The following MTMR3 variants were observed in gnomAD, a reference collection of about 807,000 sequenced individuals.
MTMR3 encodes the protein phosphatidylinositol-3,5-bisphosphate 3-phosphatase MTMR3.
A neutral mutation model predicts 132.4 loss-of-function variants in MTMR3; 32 were observed. That is an observed-to-expected ratio of 0.24 (90% CI 0.18 to 0.32). The LOEUF is 0.32. MTMR3 is among the 10% of genes least tolerant of loss of function. MTMR3 has a pLI of 1.00. For synonymous variants in MTMR3, 556 were observed against 550.3 expected (o/e 1.01, Z -0.14); for missense variants, 1,216 against 1,489.6 (o/e 0.82, Z 3.02).
Position 30,020,615 on chromosome 22 carries a change from T to G in MTMR3, c.2956T>G (p.Ser986Ala), listed in dbSNP as rs2067719829. 2 of 1,613,934 alleles carry G rather than the reference T, an allele frequency of 1.2e-6. No individual in the cohort carries two copies. Among genetic ancestry groups the G allele is most frequent in the Non-Finnish European group, 8.5e-7 (1 of 1,180,036 alleles). Residue 986 changes from serine to alanine, a missense_variant, in exon 17 of 20, where the codon TCA becomes GCA. Around this residue, in one of 7 missense-constraint regions of MTMR3, gnomAD observed 852 missense variants for 852.0 expected, o/e 1.00. Transcript: ENST00000401950. ...GAGCTGCAGCTCTGCCCACTTACAC[T>G]CAAGGAACTTGCACCACAAGTGGCT... ...AMSCSSAHLHSRNLHHKWLHS... is the reference protein window; with the variant it reads ...AMSCSSAHLHARNLHHKWLHS...
chr22:30,005,147 C>T (rs1288206993), intron 9 of MTMR3: 1 of 152,122 alleles, frequency 6.6e-6, no homozygotes, highest in East Asian at 1.9e-4. Flanking sequence ...AATTCTGTTC[C>T]TATATAAAAT....
intron 1 of MTMR3, among the ~76,000 whole-genome samples, chr22:29,904,271 G>T (rs2065054147): frequency 6.6e-6 from 1 of 152,124 alleles, no homozygotes; most frequent in Admixed American, 6.5e-5. Context: ...AAGTAGGCAC[G>T]GCAGGCTGTA....
chr22:29,909,086 G>A (rs963394323), intron 1 of MTMR3, among the ~76,000 whole-genome samples: 2 of 151,298 alleles, frequency 1.3e-5, no homozygotes, highest in Admixed American at 1.3e-4. Flanking sequence ...ACCTTCCCAG[G>A]CCCAAGCCAT....
In MTMR3 at chr22:30,027,040, T is replaced by C. The variant is rs1486140153; in HGVS notation, c.*1239T>C. ...GCCTTGAGGAGATTCAGGGCACCTT[T>C]CCTCAGTGAGCTTTGATATGGTCCA... is the stretch of plus-strand genomic sequence containing the variant. On this transcript the variant is annotated 3_prime_UTR_variant, in exon 20 of 20. Coordinates refer to ENST00000401950, the MANE Select transcript of MTMR3 (RefSeq NM_021090.4). 1 of 152,780 alleles carries C rather than the reference T, an allele frequency of 6.5e-6. No homozygotes were observed. The highest frequency in any genetic ancestry group is 1.9e-4 in the East Asian group (1 of 5,290). The allele number at this position is 152,780 out of a possible 1,614,324, so 9.5% of individuals were successfully genotyped here.
intron 1 of MTMR3, among the ~76,000 whole-genome samples, chr22:29,949,203 G>A (rs2066022690): frequency 1.6e-5 from 2 of 126,794 alleles, no homozygotes; most frequent in African/African-American, 3.0e-5. Context: ...GCGCGTGCAC[G>A]CGCGCCAGGC....
chr22:30,012,309 G>T, intron 12 of MTMR3, 59 bp from the exon 13 acceptor site: 1 of 1,539,798 alleles, frequency 6.5e-7, no homozygotes, highest in Non-Finnish European at 8.9e-7. Flanking sequence ...CAATCATTGA[G>T]CATGATGCAG....
At chr22:30,009,262 T>G in intron 12 of MTMR3, 133 bp downstream of exon 12, 1 of 653,936 alleles carries the variant, frequency 1.5e-6, no homozygotes. Context: ...CTTGGTAATC[T>G]TCAGTTACCA....
intron 1 of MTMR3, among the ~76,000 whole-genome samples, chr22:29,931,059 G>GCT (rs1307260797): frequency 6.6e-6 from 1 of 151,534 alleles, no homozygotes; most frequent in Non-Finnish European, 1.5e-5. Context: ...CTTTGAGAGT[G>GCT]GTTGGTTTAA....
intron 1 of MTMR3, among the ~76,000 whole-genome samples, chr22:29,912,267 ATTAT>A (rs1314334618): frequency 6.6e-6 from 1 of 152,082 alleles, no homozygotes; most frequent in African/African-American, 2.4e-5. Flanking sequence ...CTGTCTTTTT[ATTAT>A]TTATTTATGT....
intron 3 of MTMR3, among the ~76,000 whole-genome samples, chr22:29,973,656 A>G (rs968434730): frequency 2.0e-5 from 3 of 152,020 alleles, no homozygotes; most frequent in South Asian, 2.1e-4. Context: ...CTGGAATGCA[A>G]TGGCGTGATC....
At chr22:29,977,669 GA>G (rs2066656228) in intron 3 of MTMR3, among the ~76,000 whole-genome samples, 1 of 152,142 alleles carries the variant, frequency 6.6e-6, no homozygotes, top group Non-Finnish European at 1.5e-5. Flanking sequence ...CCAGTTTCAT[GA>G]ATTACTAATT....
At chr22:30,002,564 C>G (rs1314309296) in intron 8 of MTMR3, 2 of 210,070 alleles carry the variant, frequency 9.5e-6, no homozygotes, top group African/African-American at 2.3e-5. Flanking sequence ...CCCTCGACTC[C>G]CCTTTTTTTC....
At chr22:29,986,606 G>T in intron 5 of MTMR3, 1 of 981,898 alleles carries the variant, frequency 1.0e-6, no homozygotes, top group Non-Finnish European at 1.2e-6. Flanking sequence ...AATAAAAACA[G>T]AAGGCCAAAA....
chr22:29,909,801 T>G (rs1361420924), intron 1 of MTMR3, among the ~76,000 whole-genome samples: 1 of 152,242 alleles, frequency 6.6e-6, no homozygotes, highest in African/African-American at 2.4e-5. Flanking sequence ...AATTTGCTTC[T>G]TGTTAAAAAC....
chr22:29,889,284 CTTTT>C (rs71324792), intron 1 of MTMR3, among the ~76,000 whole-genome samples: 1 of 116,370 alleles, frequency 8.6e-6, no homozygotes, highest in African/African-American at 3.2e-5. Flanking sequence ...AGCTACGGAA[CTTTT>C]TTTTTTTTTT....
intron 7 of MTMR3, 53 bp downstream of exon 7, chr22:29,991,723 G>A (rs1399844539): frequency 1.3e-6 from 2 of 1,493,280 alleles, no homozygotes; most frequent in African/African-American, 2.8e-5. Context: ...AGCTACTGAT[G>A]GAGGTACTTT....
chr22:29,919,922 T>G (rs567060135), intron 1 of MTMR3, among the ~76,000 whole-genome samples: 1 of 152,310 alleles, frequency 6.6e-6, no homozygotes, highest in South Asian at 2.1e-4. Context: ...ATTAGGATAC[T>G]GGCTGATGAC....
intron 1 of MTMR3, among the ~76,000 whole-genome samples, chr22:29,943,961 C>A (rs2065906627): frequency 6.6e-6 from 1 of 152,030 alleles, no homozygotes; most frequent in South Asian, 2.1e-4. Flanking sequence ...GTAGCTGGGA[C>A]TACAGGTATG....
intron 2 of MTMR3, among the ~76,000 whole-genome samples, chr22:29,962,109 G>A (rs981939021): frequency 1.3e-5 from 2 of 152,220 alleles, no homozygotes; most frequent in Non-Finnish European, 2.9e-5. Context: ...TTGACTGTAT[G>A]TGCATAGAGA....
Sources: allele counts gnomAD v4.1 joint callset (sites outside exome capture counted in the v4.1 genomes callset), GRCh38; gene constraint gnomAD v4.1.1; regional missense constraint gnomAD v4.1.1; transcripts MANE v1.5; gene names NCBI Gene and HGNC (gene_info 2026-07-23, HGNC 2026-07-21).